ZCCHC17: variants seen among roughly 807,000 people sequenced by gnomAD.
ZCCHC17 encodes zinc finger CCHC-type containing 17, also known as zinc finger CCHC domain-containing protein 17.
Under a neutral mutation model 30.6 loss-of-function variants are expected in ZCCHC17, and 18 were observed. That is an observed-to-expected ratio of 0.59 (90% CI 0.41 to 0.87). The LOEUF (loss-of-function observed/expected upper bound fraction) is 0.87. ZCCHC17 is among the 40% of genes least tolerant of loss of function. The probability of loss-of-function intolerance (pLI) is 0.00; values close to 1 mark genes in which losing one functional copy is unlikely to be tolerated. For synonymous variants in ZCCHC17, 88 were observed against 92.4 expected, an observed-to-expected ratio of 0.95 and a Z score of 0.27; for missense variants, 263 against 284.2, an observed-to-expected ratio of 0.93 and a Z score of 0.54.
At chr1:31,337,062 TA>T in intron 3 of ZCCHC17, 112 bp from the exon 4 acceptor site, 1 of 945,594 alleles carries the variant, frequency 1.1e-6, no homozygotes, top group Non-Finnish European at 1.6e-6. Flanking sequence ...CGCTTTTCAG[TA>T]AAAATTTTCA....
At chr1:31,304,311 C>T (rs1452318927) in intron 1 of ZCCHC17, among the ~76,000 whole-genome samples, 1 of 151,482 alleles carries the variant, frequency 6.6e-6, no homozygotes, top group Non-Finnish European at 1.5e-5. Context: ...CTCTGTTGCC[C>T]AGGGTGGAGT....
At chr1:31,339,571 G>A (rs1638956608) in intron 5 of ZCCHC17, among the ~76,000 whole-genome samples, 1 of 152,186 alleles carries the variant, frequency 6.6e-6, no homozygotes, top group South Asian at 2.1e-4. Context: ...GTTCTAAGAT[G>A]AAACGTTAAC....
At chr1:31,297,233 C>A in intron 1 of ZCCHC17, 158 bp downstream of exon 1, 1 of 399,266 alleles carries the variant, frequency 2.5e-6, no homozygotes, top group Non-Finnish European at 4.4e-6. Context: ...AGCCTGGGCT[C>A]CCTTTCGGGG....
At chr1:31,335,139 G>A (rs1638765081) in intron 3 of ZCCHC17, among the ~76,000 whole-genome samples, 1 of 152,098 alleles carries the variant, frequency 6.6e-6, no homozygotes, top group Non-Finnish European at 1.5e-5. Flanking sequence ...GCTGTATTGG[G>A]TGCTCAGTTT....
intron 5 of ZCCHC17, among the ~76,000 whole-genome samples, chr1:31,342,153 T>A (rs1227646103): frequency 6.6e-6 from 1 of 152,166 alleles, no homozygotes; most frequent in Non-Finnish European, 1.5e-5. Context: ...CAAGCAATTC[T>A]CATTCCTCAG....
intron 3 of ZCCHC17, among the ~76,000 whole-genome samples, chr1:31,321,105 T>G (rs1294851615): frequency 6.6e-6 from 1 of 152,206 alleles, no homozygotes; most frequent in Non-Finnish European, 1.5e-5. Context: ...ATCTGATATA[T>G]TTTGGCTGTG....
chr1:31,347,605 C>CAG (rs1639320473), intron 6 of ZCCHC17, among the ~76,000 whole-genome samples: 1 of 152,142 alleles, frequency 6.6e-6, no homozygotes, highest in African/African-American at 2.4e-5. Flanking sequence ...CCCAGAGGTA[C>CAG]AGAGTACTTT....
intron 1 of ZCCHC17, among the ~76,000 whole-genome samples, chr1:31,300,725 C>G (rs1646290410): frequency 6.6e-6 from 1 of 151,926 alleles, no homozygotes; most frequent in Non-Finnish European, 1.5e-5. Flanking sequence ...CACCTGAGGT[C>G]AGGAGTTCGA....
At position 31,364,251 on chromosome 1, in the gene ZCCHC17, A is replaced by G. The variant is rs1640046876; in HGVS notation, c.*58A>G. The stretch of plus-strand genomic sequence containing the variant: ...AAGAAACCAGGAGCCTTGTGCCTTG[A>G]GACTCCTGGAAAGACTCAATAGTGA... On this transcript the variant is annotated 3_prime_UTR_variant, in exon 8 of 8. Transcript: ENST00000344147. 34 of 1,556,430 alleles carry G rather than the reference A, an allele frequency of 2.2e-5. No homozygotes were observed. The South Asian group carries it at 4.0e-4, about 18-fold the overall frequency.
rs748662640 is a variant in ZCCHC17, at chr1:31,349,061, T to A, written c.564+87T>A. The A allele has an allele frequency of 2.6e-5, 37 of 1,433,042 alleles. No individual in the cohort carries two copies. In the South Asian group the frequency reaches 5.5e-4, roughly 21 times the overall value. The allele number at this position is 1,433,042 out of a possible 1,614,324, so 88.8% of individuals were successfully genotyped here. ...AAAGCCTCATGCAGCAGTACACACC[T>A]GTAGTCCCAGCTACTTGGGAGGATA... On this transcript the variant is annotated intron_variant, in intron 7 of 7. Transcript: ENST00000344147.
At chr1:31,354,291 C>A (rs989655358) in intron 7 of ZCCHC17, among the ~76,000 whole-genome samples, 1 of 152,164 alleles carries the variant, frequency 6.6e-6, no homozygotes, top group Non-Finnish European at 1.5e-5. Context: ...TTGTATTCTG[C>A]AACTTTGCTA....
chr1:31,333,539 A>G (rs1398791054), intron 3 of ZCCHC17, among the ~76,000 whole-genome samples: 6 of 152,194 alleles, frequency 3.9e-5, no homozygotes, highest in African/African-American at 1.4e-4. Context: ...ATAAAAAATA[A>G]AATACATATG....
intron 3 of ZCCHC17, among the ~76,000 whole-genome samples, chr1:31,326,384 A>G (rs1036240269): frequency 6.6e-6 from 1 of 152,206 alleles, no homozygotes; most frequent in Non-Finnish European, 1.5e-5. Context: ...TTGCTTAAGA[A>G]ATGGTTTACC....
intron 2 of ZCCHC17, among the ~76,000 whole-genome samples, chr1:31,312,265 A>G (rs951780593): frequency 6.6e-6 from 1 of 152,126 alleles, no homozygotes; most frequent in African/African-American, 2.4e-5. Context: ...ATCGGTTCAC[A>G]CTGTATTTAA....
At chr1:31,311,857 A>T (rs1300957096) in intron 2 of ZCCHC17, among the ~76,000 whole-genome samples, 2 of 152,252 alleles carry the variant, frequency 1.3e-5, no homozygotes, top group African/African-American at 4.8e-5. Flanking sequence ...ATTAAGAAGT[A>T]TTAATCACTT....
intron 7 of ZCCHC17, among the ~76,000 whole-genome samples, chr1:31,357,046 G>C (rs1235680643): frequency 6.6e-6 from 1 of 152,218 alleles, no homozygotes; most frequent in African/African-American, 2.4e-5. Flanking sequence ...TTATGAAGAA[G>C]TAAGTGCCTT....
intron 1 of ZCCHC17, among the ~76,000 whole-genome samples, chr1:31,302,227 TA>T (rs910503590): frequency 2.0e-5 from 3 of 150,846 alleles, no homozygotes; most frequent in Non-Finnish European, 4.4e-5. Flanking sequence ...GACTCCATCT[TA>T]AAAAAAAAGA....
At chr1:31,303,147 C>T (rs1021370432) in intron 1 of ZCCHC17, among the ~76,000 whole-genome samples, 5 of 151,690 alleles carry the variant, frequency 3.3e-5, no homozygotes, top group African/African-American at 9.7e-5. Context: ...TAGCCAAGCT[C>T]GTTGGTGTGT....
intron 1 of ZCCHC17, among the ~76,000 whole-genome samples, chr1:31,298,370 G>A (rs530150954): frequency 7.4e-6 from 1 of 134,950 alleles, no homozygotes; most frequent in East Asian, 2.0e-4. Context: ...AAGATGATTA[G>A]AGACCAGTTT....
Sources: gnomAD v4.1 joint callset for allele counts (sites outside exome capture counted in the v4.1 genomes callset) on GRCh38, gnomAD v4.1.1 for gene constraint, MANE v1.5 for transcripts, NCBI Gene and HGNC (gene_info 2026-07-23, HGNC 2026-07-21) for gene names.